FHIT: variants seen among roughly 807,000 people sequenced by gnomAD.
FHIT encodes the protein fragile histidine triad diadenosine triphosphatase, also known as bis(5'-adenosyl)-triphosphatase.
A neutral mutation model predicts 17.9 loss-of-function variants in FHIT; 19 were observed. The observed-to-expected ratio is 1.06, with a 90% CI of 0.74 to 1.56. The LOEUF (loss-of-function observed/expected upper bound fraction) is 1.56. Ranked by LOEUF, FHIT falls within the 40% of genes most tolerant of loss-of-function variation. The pLI, the probability that FHIT is intolerant of heterozygous loss-of-function variation, is 0.00. For synonymous variants in FHIT, 81 were observed against 69.7 expected (o/e 1.16, Z -0.81); for missense variants, 248 against 189.2 (o/e 1.31, Z -1.82).
intron 4 of FHIT, among the ~76,000 whole-genome samples, chr3:60,784,812 G>A (rs1446530634): frequency 6.6e-6 from 1 of 152,198 alleles, no homozygotes; most frequent in African/African-American, 2.4e-5. Context: ...GAACCCTTGT[G>A]AATGGGATTA....
chr3:60,432,311 G>C (rs928328532), intron 5 of FHIT, among the ~76,000 whole-genome samples: 1 of 151,950 alleles, frequency 6.6e-6, no homozygotes, highest in Non-Finnish European at 1.5e-5. Context: ...ACTGACTATA[G>C]TTTTTGACAC....
chr3:60,019,942 A>C (rs1324192604), intron 5 of FHIT, among the ~76,000 whole-genome samples: 1 of 152,172 alleles, frequency 6.6e-6, no homozygotes, highest in Non-Finnish European at 1.5e-5. Context: ...TGGCAGAATA[A>C]TCGACCACAG....
intron 8 of FHIT, among the ~76,000 whole-genome samples, chr3:59,763,136 G>A (rs1365491371): frequency 6.6e-6 from 1 of 152,202 alleles, no homozygotes; most frequent in African/African-American, 2.4e-5. Flanking sequence ...AACAAGGAAT[G>A]GGAAGAGGCA....
chr3:60,087,559 G>T (rs774003431), intron 5 of FHIT, among the ~76,000 whole-genome samples: 1 of 152,124 alleles, frequency 6.6e-6, no homozygotes, highest in Admixed American at 6.5e-5. Flanking sequence ...AAGTAGCCAT[G>T]CCACTAACTG....
chr3:59,814,741 T>G (rs758814386), intron 8 of FHIT, among the ~76,000 whole-genome samples: 8 of 152,188 alleles, frequency 5.3e-5, no homozygotes, highest in Non-Finnish European at 7.3e-5. Flanking sequence ...AGACAGTCCC[T>G]CTCTCATGGA....
At chr3:60,517,217 T>C (rs2035192558) in intron 5 of FHIT, among the ~76,000 whole-genome samples, 1 of 152,224 alleles carries the variant, frequency 6.6e-6, no homozygotes, top group African/African-American at 2.4e-5. Flanking sequence ...TTTTTATCTA[T>C]TTCATTTTTA....
intron 4 of FHIT, among the ~76,000 whole-genome samples, chr3:60,555,165 T>G (rs1026089057): frequency 8.5e-5 from 13 of 152,340 alleles, no homozygotes; most frequent in Middle Eastern, 3.4e-3. Context: ...CAGATATAAA[T>G]TCAAGGCCTT....
At chr3:60,081,997 G>A (rs978507907) in intron 5 of FHIT, among the ~76,000 whole-genome samples, 4 of 151,474 alleles carry the variant, frequency 2.6e-5, no homozygotes, top group Non-Finnish European at 4.4e-5. Context: ...TTTTGATTTC[G>A]GGGTGCACAT....
At chr3:60,182,231 G>A (rs1701969789) in intron 5 of FHIT, among the ~76,000 whole-genome samples, 1 of 152,054 alleles carries the variant, frequency 6.6e-6, no homozygotes, top group Admixed American at 6.6e-5. Context: ...TCTGAAAACG[G>A]GATTGACTAA....
intron 4 of FHIT, chr3:60,690,252 G>A (rs1406923207): frequency 5.5e-6 from 3 of 540,834 alleles, no homozygotes; most frequent in Non-Finnish European, 1.1e-5. Context: ...CAGCAATAGT[G>A]ACCTTCTTGC....
intron 4 of FHIT, among the ~76,000 whole-genome samples, chr3:60,550,637 T>C (rs1253969846): frequency 6.6e-6 from 1 of 151,848 alleles, no homozygotes; most frequent in Non-Finnish European, 1.5e-5. Flanking sequence ...TAAACCTACT[T>C]GTTTTACATA....
At chr3:61,219,795 C>T (rs1214546712) in intron 1 of FHIT, among the ~76,000 whole-genome samples, 3 of 152,176 alleles carry the variant, frequency 2.0e-5, no homozygotes, top group South Asian at 2.1e-4. Flanking sequence ...AAAATCTTTA[C>T]AAACCTCAAG....
intron 4 of FHIT, among the ~76,000 whole-genome samples, chr3:60,708,540 G>A (rs1035467958): frequency 2.0e-5 from 3 of 152,132 alleles, no homozygotes; most frequent in East Asian, 1.9e-4. Context: ...TGAAAAAGGC[G>A]AATGTAGTGA....
At chr3:60,673,624 G>C (rs2040558251) in intron 4 of FHIT, among the ~76,000 whole-genome samples, 1 of 151,960 alleles carries the variant, frequency 6.6e-6, no homozygotes, top group East Asian at 1.9e-4. Context: ...AACCACCATG[G>C]CAAATGTTTA....
chr3:60,817,517 T>C (rs1361028433), intron 4 of FHIT, among the ~76,000 whole-genome samples: 14 of 152,126 alleles, frequency 9.2e-5, no homozygotes, highest in African/African-American at 3.4e-4. Context: ...ATTAACAGTG[T>C]TTTGCTTTTT....
At chr3:60,217,031 C>G (rs1420380180) in intron 5 of FHIT, among the ~76,000 whole-genome samples, 1 of 152,140 alleles carries the variant, frequency 6.6e-6, no homozygotes, top group Non-Finnish European at 1.5e-5. Flanking sequence ...GTTTCACCAG[C>G]TACACAAATA....
intron 4 of FHIT, among the ~76,000 whole-genome samples, chr3:60,772,469 C>T (rs1700078024): frequency 6.6e-6 from 1 of 152,022 alleles, no homozygotes; most frequent in Non-Finnish European, 1.5e-5. Flanking sequence ...TTGACATCAT[C>T]TTTATAAATG....
intron 8 of FHIT, among the ~76,000 whole-genome samples, chr3:59,762,288 G>C (rs1292821796): frequency 6.6e-6 from 1 of 152,150 alleles, no homozygotes; most frequent in African/African-American, 2.4e-5. Flanking sequence ...TTCAGACTAT[G>C]GTAAACTGTG....
chr3:60,208,056 T>C (rs1370297192), intron 5 of FHIT, among the ~76,000 whole-genome samples: 1 of 152,178 alleles, frequency 6.6e-6, no homozygotes, highest in Non-Finnish European at 1.5e-5. Context: ...AATGCTTTTA[T>C]TAGAAACACT....
Sources: gnomAD v4.1 joint callset for allele counts (sites outside exome capture counted in the v4.1 genomes callset) on GRCh38, gnomAD v4.1.1 for gene constraint, MANE v1.5 for transcripts, NCBI Gene and HGNC (gene_info 2026-07-23, HGNC 2026-07-21) for gene names.